The following SEMA3E variants were observed in gnomAD, a reference collection of about 807,000 sequenced individuals.
The protein encoded by SEMA3E is semaphorin 3E, also known as semaphorin-3E.
SEMA3E carries 49 observed loss-of-function variants against 93.6 expected under a neutral mutation model. The observed-to-expected ratio is 0.52, with a 90% CI of 0.42 to 0.66. The LOEUF (loss-of-function observed/expected upper bound fraction) is 0.66. Among genes scored for constraint, SEMA3E ranks in the 30% least tolerant of loss-of-function variants. SEMA3E has a pLI of 0.00. For missense variants in SEMA3E, 906 were observed against 964.8 expected, an observed-to-expected ratio of 0.94 and a Z score of 0.81; for synonymous variants, 363 against 330.7, an observed-to-expected ratio of 1.10 and a Z score of -1.06.
Position 83,405,968 on chromosome 7 carries a change from A to G in SEMA3E, c.905T>C (p.Ile302Thr). ...ACCTAATTCATCAAAATATGTGTCA[A>G]TTCCATTCATTCCTGGTACTGAGCA... ...LVCSVPGMNG[I>T]DTYFDELEDV... Residue 302 changes from isoleucine (I) to threonine (T), a missense_variant, in exon 8 of 17, where the codon ATT (isoleucine) becomes ACT (threonine). Ile to Thr is a moderately conservative substitution (Grantham distance 89). Transcript: ENST00000643230. The G allele has an allele frequency of 6.2e-7, 1 of 1,612,500 alleles. No individual in the cohort carries two copies. Among genetic ancestry groups the G allele is most frequent in the Non-Finnish European group, 8.5e-7 (1 of 1,178,682 alleles).
At chr7:83,578,136 A>G (rs1792446621) in intron 1 of SEMA3E, among the ~76,000 whole-genome samples, 1 of 130,846 alleles carries the variant, frequency 7.6e-6, no homozygotes, top group African/African-American at 3.3e-5. Flanking sequence ...TGACTGTGAG[A>G]GTTTTCTCAT....
At chr7:83,427,546 A>C (rs1311991255) in intron 4 of SEMA3E, among the ~76,000 whole-genome samples, 2 of 152,204 alleles carry the variant, frequency 1.3e-5, no homozygotes, top group African/African-American at 4.8e-5. Context: ...GAGGGAAAGC[A>C]GGCAGTTTTC....
Position 83,552,691 on chromosome 7 carries a change from G to A in SEMA3E, c.116-62417C>T, listed in dbSNP as rs535138925. ...TGCTCTGGGAATATCTGTCTTATGC[G>A]GTTGAGATAAGGACTGAGATACACG... On this transcript the variant is annotated intron_variant, in intron 1 of 16. Coordinates refer to ENST00000643230, the MANE Select transcript of SEMA3E (RefSeq NM_012431.3). Among the ~76,000 whole-genome samples the A allele has an allele frequency of 8.5e-5, 13 of 152,170 alleles. No homozygotes were observed. In the East Asian group the frequency reaches 2.5e-3, roughly 29 times the overall value.
chr7:83,527,795 T>A (rs1791192526), intron 1 of SEMA3E, among the ~76,000 whole-genome samples: 1 of 151,902 alleles, frequency 6.6e-6, no homozygotes, highest in Admixed American at 6.6e-5. Flanking sequence ...TTTTGTTTGT[T>A]GTCATTAGTG....
rs547582009 is a variant in SEMA3E, at chr7:83,489,378, A to C, written c.276+736T>G. 1.6e-3 allele frequency among the ~76,000 whole-genome samples: 243 copies of C among 150,178 alleles called. 2 individuals are homozygous for C. The highest frequency in any genetic ancestry group is 5.9e-3 in the African/African-American group (237 of 40,352). On this transcript the variant is annotated intron_variant, in intron 2 of 16. Coordinates refer to ENST00000643230, the MANE Select transcript of SEMA3E (RefSeq NM_012431.3). ...AGGGATAGGGAACTGGCAGAAACCA[A>C]GGAATGATGCTTTGTCATAATTAAA...
chr7:83,574,728 G>A (rs1481276739), intron 1 of SEMA3E, among the ~76,000 whole-genome samples: 1 of 152,182 alleles, frequency 6.6e-6, no homozygotes, highest in Non-Finnish European at 1.5e-5. Context: ...GGGAGAATGA[G>A]GGGCCATGTG....
At chr7:83,377,090 C>T (rs1192477528) in intron 16 of SEMA3E, among the ~76,000 whole-genome samples, 2 of 151,976 alleles carry the variant, frequency 1.3e-5, no homozygotes, top group African/African-American at 4.8e-5. Flanking sequence ...AGAACTCAAT[C>T]TCATTTATTG....
chr7:83,642,364 T>C (rs1375748002), intron 1 of SEMA3E, among the ~76,000 whole-genome samples: 1 of 152,144 alleles, frequency 6.6e-6, no homozygotes, highest in Non-Finnish European at 1.5e-5. Flanking sequence ...TTGGCCACCA[T>C]AGGGCCATAT....
chr7:83,515,014 T>G (rs1790898061), intron 1 of SEMA3E, among the ~76,000 whole-genome samples: 2 of 152,202 alleles, frequency 1.3e-5, no homozygotes, highest in African/African-American at 4.8e-5. Context: ...CTCCTCCTCC[T>G]TGAAATAGCA....
At chr7:83,535,664 T>C (rs1006631394) in intron 1 of SEMA3E, among the ~76,000 whole-genome samples, 5 of 152,156 alleles carry the variant, frequency 3.3e-5, no homozygotes, top group African/African-American at 1.2e-4. Context: ...CTAAGAAGTA[T>C]GGCCAAAAGA....
intron 1 of SEMA3E, among the ~76,000 whole-genome samples, chr7:83,541,798 G>T (rs1229347176): frequency 1.3e-5 from 2 of 152,106 alleles, no homozygotes; most frequent in African/African-American, 4.8e-5. Context: ...AAGGGATGCT[G>T]GCTGAAACAC....
At chr7:83,477,444 G>C (rs546050715) in intron 2 of SEMA3E, among the ~76,000 whole-genome samples, 2 of 152,028 alleles carry the variant, frequency 1.3e-5, no homozygotes, top group Admixed American at 6.5e-5. Context: ...CATTAAAATA[G>C]TCTTAATGGT....
intron 15 of SEMA3E, among the ~76,000 whole-genome samples, chr7:83,386,031 C>T (rs1015261459): frequency 6.6e-6 from 1 of 152,068 alleles, no homozygotes; most frequent in Non-Finnish European, 1.5e-5. Flanking sequence ...CACTTAGCTG[C>T]AGTAGGGAAT....
chr7:83,451,810 A>G (rs774041758), intron 4 of SEMA3E, among the ~76,000 whole-genome samples: 8 of 152,186 alleles, frequency 5.3e-5, no homozygotes, highest in Non-Finnish European at 1.0e-4. Flanking sequence ...GAAAACAAAC[A>G]AGAAACACTG....
intron 2 of SEMA3E, among the ~76,000 whole-genome samples, chr7:83,484,518 A>G (rs1790213712): frequency 6.6e-6 from 1 of 152,092 alleles, no homozygotes; most frequent in South Asian, 2.1e-4. Context: ...ACATGCTCTG[A>G]TGTTACTTTA....
In SEMA3E at chr7:83,408,417, C is replaced by T; in HGVS notation, c.621G>A (p.Gly207=). ...GCTCAGTGCGGATATGGGCCAGTCG[C>T]CCCATGCTGCGGAAGATCGCAGCGT... ...SRDAAIFRSM[G]RLAHIRTEHD... is the part of the protein sequence containing the mutation. Residue 207 remains glycine (G), a synonymous_variant, in exon 6 of 17, where the codon GGG becomes GGA. Coordinates refer to ENST00000643230, the MANE Select transcript of SEMA3E (RefSeq NM_012431.3). 1 of 1,613,776 alleles carries T rather than the reference C, an allele frequency of 6.2e-7. No homozygotes were observed. The highest frequency in any genetic ancestry group is 1.1e-5 in the South Asian group (1 of 91,084).
intron 1 of SEMA3E, among the ~76,000 whole-genome samples, chr7:83,503,434 C>A (rs1320136070): frequency 6.6e-6 from 1 of 152,094 alleles, no homozygotes; most frequent in African/African-American, 2.4e-5. Context: ...GCCAAACTGG[C>A]AGGCAAAAAT....
chr7:83,422,788 T>C (rs1005544525), intron 4 of SEMA3E, among the ~76,000 whole-genome samples: 1 of 152,228 alleles, frequency 6.6e-6, no homozygotes. Flanking sequence ...GTACATTGCG[T>C]ATTTATTCAA....
chr7:83,611,885 C>T (rs1238450875), intron 1 of SEMA3E, among the ~76,000 whole-genome samples: 1 of 152,080 alleles, frequency 6.6e-6, no homozygotes, highest in East Asian at 1.9e-4. Flanking sequence ...AATGGCTTTC[C>T]ATCATACAGC....
Sources: allele counts gnomAD v4.1 joint callset (sites outside exome capture counted in the v4.1 genomes callset), GRCh38; gene constraint gnomAD v4.1.1; transcripts MANE v1.5; gene names NCBI Gene and HGNC (gene_info 2026-07-23, HGNC 2026-07-21).